The following ATP11C variants were observed in gnomAD, a reference collection of about 807,000 sequenced individuals.
ATP11C encodes the protein ATPase phospholipid transporting 11C (ATP11C blood group), also known as phospholipid-transporting ATPase IG.
A neutral mutation model predicts 97.4 loss-of-function variants in ATP11C; 36 were observed. That is an observed-to-expected ratio of 0.37 (90% CI 0.28 to 0.49). ATP11C has a LOEUF of 0.49. ATP11C is among the 20% of genes least tolerant of loss of function. ATP11C has a pLI of 0.98. For synonymous variants in ATP11C, 275 were observed against 290.9 expected, an observed-to-expected ratio of 0.95 and a Z score of 0.56; for missense variants, 730 against 824.6, an observed-to-expected ratio of 0.89 and a Z score of 1.40.
chrX:139,931,807 C>G (rs2085439314), intron 1 of ATP11C, among the ~76,000 whole-genome samples: 1 of 110,774 alleles, frequency 9.0e-6, no homozygotes, highest in South Asian at 3.9e-4. Flanking sequence ...TCGAATTGTC[C>G]TGGGGGCGAG....
At chrX:139,742,876 AATATATATATATATATAT>A (rs869303916) in intron 26 of ATP11C, among the ~76,000 whole-genome samples, 596 of 26,199 alleles carry the variant, frequency 0.023, 9 homozygotes, top group African/African-American at 0.099. Flanking sequence ...AAAAAAAAAA[AATATATATATATATATAT>A]ATATATATAT....
chrX:139,845,374 T>C (rs781227915), intron 1 of ATP11C, among the ~76,000 whole-genome samples: 7 of 112,371 alleles, frequency 6.2e-5, no homozygotes, highest in Non-Finnish European at 1.3e-4. Flanking sequence ...GTTTCTGCTT[T>C]TTCATTAATG....
intron 2 of ATP11C, among the ~76,000 whole-genome samples, chrX:139,822,970 A>G (rs1442774975): frequency 1.8e-5 from 2 of 110,805 alleles, no homozygotes; most frequent in Non-Finnish European, 3.8e-5. Flanking sequence ...TAATCCCAGC[A>G]CTTTGGGAGG....
intron 19 of ATP11C, 95 bp from the exon 20 acceptor site, chrX:139,768,529 A>G: frequency 1.8e-6 from 1 of 565,770 alleles, no homozygotes; most frequent in Admixed American, 5.0e-5. Flanking sequence ...GTGGTCTCAG[A>G]TAAGGGGAGT....
At chrX:139,749,664 C>A (rs1427007667) in intron 24 of ATP11C, among the ~76,000 whole-genome samples, 1 of 112,036 alleles carries the variant, frequency 8.9e-6, no homozygotes, top group Non-Finnish European at 1.9e-5. Context: ...GTTCAATCTA[C>A]AACAAGTAGG....
At chrX:139,874,209 A>ATTT (rs140962708) in intron 1 of ATP11C, among the ~76,000 whole-genome samples, 5 of 81,978 alleles carry the variant, frequency 6.1e-5, no homozygotes, top group African/African-American at 2.2e-4. Context: ...TGCCTGGCTA[A>ATTT]TTTTTTTTTT....
At chrX:139,776,626 A>G (rs1450216787) in intron 18 of ATP11C, among the ~76,000 whole-genome samples, 1 of 110,872 alleles carries the variant, frequency 9.0e-6, no homozygotes, top group East Asian at 2.8e-4. Flanking sequence ...CTGATCTCCA[A>G]CCCCTGCCAC....
At position 139,804,614 on chromosome X, in the gene ATP11C, T is replaced by C; in HGVS notation, c.427-15A>G. ...ACATCACCAACCTGGAATTGAGAAA[T>C]AAATATAAATATTTTAAATTCCAAA... On this transcript the variant is annotated splice_polypyrimidine_tract_variant and intron_variant, in intron 5 of 29. Transcript: ENST00000682941. The C allele has an allele frequency of 5.2e-6, 6 of 1,150,498 alleles. No homozygotes were observed. The highest frequency in any genetic ancestry group is 7.0e-6 in the Non-Finnish European group (6 of 856,406). The allele number at this position is 1,150,498 out of a possible 1,213,427, so 94.8% of individuals were successfully genotyped here.
intron 1 of ATP11C, among the ~76,000 whole-genome samples, chrX:139,853,980 CTTAA>C (rs1345454395): frequency 2.7e-5 from 3 of 110,554 alleles, no homozygotes; most frequent in Admixed American, 1.9e-4. Context: ...GTATCTAAAT[CTTAA>C]TTAATTACCA....
At chrX:139,754,693 A>G (rs140492424) in intron 23 of ATP11C, among the ~76,000 whole-genome samples, 1,346 of 112,660 alleles carry the variant, frequency 0.012, 15 homozygotes, top group African/African-American at 0.04. Flanking sequence ...GGTTGGTTCA[A>G]TATCTGCAAA....
At chrX:139,903,999 AT>A (rs1265293393) in intron 1 of ATP11C, among the ~76,000 whole-genome samples, 1 of 111,729 alleles carries the variant, frequency 9.0e-6, no homozygotes, top group Non-Finnish European at 1.9e-5. Flanking sequence ...TGAGAATTGC[AT>A]TTCTAACAGC....
intron 1 of ATP11C, among the ~76,000 whole-genome samples, chrX:139,917,650 C>T (rs1007831315): frequency 8.9e-6 from 1 of 111,749 alleles, no homozygotes; most frequent in African/African-American, 3.3e-5. Flanking sequence ...GATGTAACCT[C>T]ACACCCATTA....
At chrX:139,825,182 G>T (rs955358843) in intron 2 of ATP11C, among the ~76,000 whole-genome samples, 1 of 110,966 alleles carries the variant, frequency 9.0e-6, no homozygotes, top group African/African-American at 3.3e-5. Flanking sequence ...CAAGCACAAT[G>T]CAAGAGGAGA....
At chrX:139,769,764 G>A (rs1272629846) in intron 19 of ATP11C, among the ~76,000 whole-genome samples, 3 of 111,123 alleles carry the variant, frequency 2.7e-5, no homozygotes, top group Non-Finnish European at 3.8e-5. Context: ...CTAATTTAAT[G>A]ATACTCAAAG....
chrX:139,857,384 A>T (rs2084108672), intron 1 of ATP11C, among the ~76,000 whole-genome samples: 1 of 111,858 alleles, frequency 8.9e-6, no homozygotes, highest in Non-Finnish European at 1.9e-5. Flanking sequence ...AGTGTGTTCA[A>T]TTCTTTTCCT....
At chrX:139,765,344 A>G (rs1461486469) in intron 20 of ATP11C, among the ~76,000 whole-genome samples, 1 of 112,381 alleles carries the variant, frequency 8.9e-6, no homozygotes, top group East Asian at 2.8e-4. Context: ...CACACCTTAA[A>G]AAGCATATAA....
At chrX:139,887,852 TC>T (rs1368027966) in intron 1 of ATP11C, among the ~76,000 whole-genome samples, 1 of 106,775 alleles carries the variant, frequency 9.4e-6, no homozygotes, top group African/African-American at 3.4e-5. Flanking sequence ...GCACCTATAG[TC>T]CCAGCTACTC....
chrX:139,766,718 A>G (rs1603352138), intron 20 of ATP11C, among the ~76,000 whole-genome samples: 1 of 111,926 alleles, frequency 8.9e-6, no homozygotes, highest in East Asian at 2.8e-4. Flanking sequence ...AAACTAACAC[A>G]TATGAAAGAA....
At chrX:139,918,380 G>C (rs1457516061) in intron 1 of ATP11C, among the ~76,000 whole-genome samples, 1 of 112,032 alleles carries the variant, frequency 8.9e-6, no homozygotes, top group Non-Finnish European at 1.9e-5. Flanking sequence ...GGGAGGCCGA[G>C]GCGGGTGGAT....
Sources: allele counts gnomAD v4.1 joint callset (sites outside exome capture counted in the v4.1 genomes callset), GRCh38; gene constraint gnomAD v4.1.1; transcripts MANE v1.5; gene names NCBI Gene and HGNC (gene_info 2026-07-23, HGNC 2026-07-21).